ARHGAP42: variants seen among roughly 807,000 people sequenced by gnomAD.
ARHGAP42 encodes the protein rho GTPase-activating protein 42.
Under a neutral mutation model 125.0 loss-of-function variants are expected in ARHGAP42, and 63 were observed. The ratio of observed to expected loss-of-function variants is 0.50; its 90% CI spans 0.41 to 0.62. The LOEUF (loss-of-function observed/expected upper bound fraction) is 0.62. Ranked by LOEUF, ARHGAP42 falls within the 20% of genes least tolerant of loss-of-function variation. The probability of loss-of-function intolerance (pLI) is 0.00; values close to 1 mark genes in which losing one functional copy is unlikely to be tolerated. For missense variants in ARHGAP42, 766 were observed against 1,024.2 expected, an observed-to-expected ratio of 0.75 and a Z score of 3.44; for synonymous variants, 339 against 351.0, an observed-to-expected ratio of 0.97 and a Z score of 0.38.
At chr11:100,745,405 C>T (rs545383481) in intron 1 of ARHGAP42, among the ~76,000 whole-genome samples, 9 of 152,050 alleles carry the variant, frequency 5.9e-5, no homozygotes, top group Non-Finnish European at 1.0e-4. Context: ...TAGTAAGTGC[C>T]GTTTTTATGA....
intron 3 of ARHGAP42, among the ~76,000 whole-genome samples, chr11:100,814,207 A>T (rs1275414023): frequency 2.0e-5 from 3 of 151,776 alleles, no homozygotes; most frequent in South Asian, 4.2e-4. Flanking sequence ...AAAAAAAAAT[A>T]TTAGCTGGGT....
At chr11:100,766,306 G>C (rs1862828274) in intron 1 of ARHGAP42, among the ~76,000 whole-genome samples, 1 of 151,868 alleles carries the variant, frequency 6.6e-6, no homozygotes, top group Non-Finnish European at 1.5e-5. Flanking sequence ...GTGAATATTG[G>C]GTAGTAATAG....
intron 2 of ARHGAP42, among the ~76,000 whole-genome samples, chr11:100,782,725 T>G (rs1311068825): frequency 6.6e-6 from 1 of 152,092 alleles, no homozygotes; most frequent in Non-Finnish European, 1.5e-5. Context: ...TCAGGATAGT[T>G]GGTGAGTCGT....
chr11:100,850,223 T>C (rs1865169956), intron 3 of ARHGAP42, among the ~76,000 whole-genome samples: 1 of 152,168 alleles, frequency 6.6e-6, no homozygotes, highest in African/African-American at 2.4e-5. Context: ...GGAAAATAAC[T>C]ACTTTTGAAG....
intron 4 of ARHGAP42, among the ~76,000 whole-genome samples, chr11:100,896,359 G>C (rs573689602): frequency 1.3e-5 from 2 of 152,324 alleles, no homozygotes; most frequent in African/African-American, 2.4e-5. Context: ...TATATACCCA[G>C]TAATGGGATG....
chr11:100,955,185 T>C (rs7952634), intron 12 of ARHGAP42, among the ~76,000 whole-genome samples: 134,125 of 152,038 alleles, frequency 0.88, 59,250 homozygotes, highest in East Asian at 1. Flanking sequence ...CTTATGGAAA[T>C]TTTTTTAAGG....
At chr11:100,916,738 G>T (rs1037663908) in intron 5 of ARHGAP42, among the ~76,000 whole-genome samples, 2 of 151,986 alleles carry the variant, frequency 1.3e-5, no homozygotes, top group African/African-American at 2.4e-5. Flanking sequence ...TTACCCCAAA[G>T]AAATTATCAG....
intron 8 of ARHGAP42, among the ~76,000 whole-genome samples, chr11:100,937,382 G>A (rs1369672257): frequency 6.6e-6 from 1 of 151,764 alleles, no homozygotes; most frequent in Non-Finnish European, 1.5e-5. Context: ...TTGTCAGTAG[G>A]GTATATAGAT....
intron 3 of ARHGAP42, among the ~76,000 whole-genome samples, chr11:100,806,760 C>T (rs1864000192): frequency 6.6e-6 from 1 of 152,084 alleles, no homozygotes; most frequent in Admixed American, 6.5e-5. Context: ...ATCATAACTG[C>T]AATAATAGTG....
At chr11:100,745,258 A>G (rs1313262330) in intron 1 of ARHGAP42, among the ~76,000 whole-genome samples, 1 of 152,344 alleles carries the variant, frequency 6.6e-6, no homozygotes, top group African/African-American at 2.4e-5. Context: ...ACTCATATCT[A>G]ACAATCCCTC....
At chr11:100,849,979 T>A (rs920448480) in intron 3 of ARHGAP42, among the ~76,000 whole-genome samples, 5 of 152,218 alleles carry the variant, frequency 3.3e-5, no homozygotes, top group African/African-American at 2.4e-5. Context: ...GAATTATGTA[T>A]GAGAAATGCT....
chr11:100,801,490 T>A (rs1178221839), intron 3 of ARHGAP42, among the ~76,000 whole-genome samples: 1 of 152,156 alleles, frequency 6.6e-6, no homozygotes, highest in Non-Finnish European at 1.5e-5. Flanking sequence ...GATGAATATG[T>A]CATCTTGGTA....
chr11:100,734,427 G>C (rs1862023632), intron 1 of ARHGAP42, among the ~76,000 whole-genome samples: 1 of 151,496 alleles, frequency 6.6e-6, no homozygotes, highest in African/African-American at 2.4e-5. Context: ...TTACAGGCAT[G>C]CGCCACCATG....
chr11:100,814,669 G>A (rs1864224279), intron 3 of ARHGAP42, among the ~76,000 whole-genome samples: 1 of 152,136 alleles, frequency 6.6e-6, no homozygotes, highest in Admixed American at 6.5e-5. Flanking sequence ...ACTGGAGGGA[G>A]AGAGAGATAG....
intron 1 of ARHGAP42, among the ~76,000 whole-genome samples, chr11:100,721,915 C>A (rs1230175322): frequency 6.6e-6 from 1 of 152,178 alleles, no homozygotes; most frequent in African/African-American, 2.4e-5. Flanking sequence ...AATTTGTGAG[C>A]AGATTTTGTT....
Position 100,992,371 on chromosome 11 carries a change from A to T in ARHGAP42, c.*3570A>T. 1 of 1,613,996 alleles carries T rather than the reference A, an allele frequency of 6.2e-7. No individual in the cohort carries two copies. Among genetic ancestry groups the T allele is most frequent in the South Asian group, 1.1e-5 (1 of 91,062 alleles). ...TCTCCTGGTCAGGTCACGAAAAAGA[A>T]CACAGGCTTGACTATTGTCCAGAAG... On this transcript the variant is annotated 3_prime_UTR_variant, in exon 24 of 24. Coordinates refer to ENST00000298815, the MANE Select transcript of ARHGAP42 (RefSeq NM_152432.4).
At chr11:100,917,754 T>G (rs1281362705) in intron 5 of ARHGAP42, among the ~76,000 whole-genome samples, 1 of 152,102 alleles carries the variant, frequency 6.6e-6, no homozygotes, top group Non-Finnish European at 1.5e-5. Flanking sequence ...GTATTTTTAG[T>G]GGAGACAGGG....
At chr11:100,756,506 G>A (rs1284008150) in intron 1 of ARHGAP42, among the ~76,000 whole-genome samples, 1 of 150,764 alleles carries the variant, frequency 6.6e-6, no homozygotes, top group Admixed American at 6.6e-5. Flanking sequence ...CCGATGATAA[G>A]AAGTTTTGAA....
intron 12 of ARHGAP42, among the ~76,000 whole-genome samples, chr11:100,954,422 T>C (rs1857748874): frequency 6.6e-6 from 1 of 152,208 alleles, no homozygotes; most frequent in Non-Finnish European, 1.5e-5. Flanking sequence ...TTGAAGGGAT[T>C]GGAACAGAAG....
Sources: gnomAD v4.1 joint callset for allele counts (sites outside exome capture counted in the v4.1 genomes callset) on GRCh38, gnomAD v4.1.1 for gene constraint, MANE v1.5 for transcripts, NCBI Gene and HGNC (gene_info 2026-07-23, HGNC 2026-07-21) for gene names.